The following PDE10A variants were observed in gnomAD, a reference collection of about 807,000 sequenced individuals.
PDE10A encodes the protein cAMP and cAMP-inhibited cGMP 3',5'-cyclic phosphodiesterase 10A.
A neutral mutation model predicts 97.7 loss-of-function variants in PDE10A; 39 were observed. That is an observed-to-expected ratio of 0.40 (90% CI 0.31 to 0.52). The LOEUF is 0.52. PDE10A is among the 20% of genes least tolerant of loss of function. The pLI is 0.56. For missense variants in PDE10A, 731 were observed against 1,047.8 expected, an observed-to-expected ratio of 0.70 and a Z score of 4.17; for synonymous variants, 371 against 376.8, an observed-to-expected ratio of 0.98 and a Z score of 0.18.
chr6:165,954,417 T>G (rs1285856708), intron 1 of PDE10A, among the ~76,000 whole-genome samples: 1 of 152,154 alleles, frequency 6.6e-6, no homozygotes, highest in Middle Eastern at 3.2e-3. Flanking sequence ...CATGGACACT[T>G]GGTTTGGTTC....
chr6:165,405,456 A>G (rs1340494551), intron 13 of PDE10A, among the ~76,000 whole-genome samples: 1 of 152,258 alleles, frequency 6.6e-6, no homozygotes, highest in Non-Finnish European at 1.5e-5. Flanking sequence ...ATAAAATATA[A>G]TGACTAATGT....
intron 3 of PDE10A, among the ~76,000 whole-genome samples, chr6:165,479,181 C>T (rs1779461365): frequency 6.6e-6 from 1 of 152,122 alleles, no homozygotes; most frequent in African/African-American, 2.4e-5. Context: ...GCTCTTTCTT[C>T]TTCTACACCC....
At chr6:165,595,338 T>C (rs1179245552) in intron 1 of PDE10A, among the ~76,000 whole-genome samples, 1 of 152,208 alleles carries the variant, frequency 6.6e-6, no homozygotes, top group East Asian at 1.9e-4. Flanking sequence ...TTTGGCTATA[T>C]TATAGAGTTA....
chr6:165,887,464 C>T (rs950736868), intron 1 of PDE10A, among the ~76,000 whole-genome samples: 3 of 152,198 alleles, frequency 2.0e-5, no homozygotes, highest in African/African-American at 7.2e-5. Context: ...TGACAAGTTT[C>T]CATCATTAAC....
intron 1 of PDE10A, among the ~76,000 whole-genome samples, chr6:165,912,186 A>G (rs1021611571): frequency 2.6e-5 from 4 of 151,910 alleles, no homozygotes; most frequent in African/African-American, 9.7e-5. Flanking sequence ...CTATCTGTCT[A>G]TCATCTATCA....
intron 18 of PDE10A, among the ~76,000 whole-genome samples, chr6:165,351,632 G>A (rs574792366): frequency 1.3e-5 from 2 of 152,246 alleles, no homozygotes; most frequent in East Asian, 1.9e-4. Flanking sequence ...CAAAAGCCCA[G>A]AATGTGACTC....
chr6:165,371,562 G>T (rs1784249932), intron 18 of PDE10A, among the ~76,000 whole-genome samples: 1 of 152,090 alleles, frequency 6.6e-6, no homozygotes, highest in African/African-American at 2.4e-5. Context: ...CCAATAACAG[G>T]AGCTGAAATT....
At chr6:165,973,537 G>A (rs9459547) in intron 1 of PDE10A, among the ~76,000 whole-genome samples, 4,354 of 151,618 alleles carry the variant, frequency 0.029, 193 homozygotes, top group African/African-American at 0.094. Flanking sequence ...ACTAAGGAAT[G>A]TATTACATTA....
chr6:165,411,199 A>G (rs1787796064), intron 13 of PDE10A, among the ~76,000 whole-genome samples: 1 of 151,528 alleles, frequency 6.6e-6, no homozygotes, highest in Non-Finnish European at 1.5e-5. Context: ...AGATGAAAGG[A>G]GACTCAAGAG....
At chr6:165,472,062 A>T (rs1779045180) in intron 3 of PDE10A, among the ~76,000 whole-genome samples, 1 of 152,100 alleles carries the variant, frequency 6.6e-6, no homozygotes, top group Admixed American at 6.6e-5. Context: ...CACTTCATAT[A>T]ATGTAGAAAT....
intron 1 of PDE10A, among the ~76,000 whole-genome samples, chr6:165,734,905 G>A (rs970298793): frequency 2.0e-5 from 3 of 152,030 alleles, no homozygotes; most frequent in Non-Finnish European, 2.9e-5. Context: ...GTGTTCATTC[G>A]GATTCTGTAT....
At chr6:165,366,166 T>C (rs1211113824) in intron 18 of PDE10A, among the ~76,000 whole-genome samples, 1 of 152,150 alleles carries the variant, frequency 6.6e-6, no homozygotes, top group African/African-American at 2.4e-5. Flanking sequence ...AAATACTACC[T>C]TAAAAATTAA....
chr6:165,780,134 G>A (rs1465014802), intron 1 of PDE10A: 1 of 152,126 alleles, frequency 6.6e-6, no homozygotes, highest in Non-Finnish European at 1.5e-5. Flanking sequence ...AATACCTTGA[G>A]TTCTTCTAAG....
At chr6:165,349,245 G>A (rs1209072602) in intron 18 of PDE10A, among the ~76,000 whole-genome samples, 2 of 152,162 alleles carry the variant, frequency 1.3e-5, no homozygotes, top group Non-Finnish European at 2.9e-5. Flanking sequence ...AAACTTCCTG[G>A]AGACTTGTTG....
intron 1 of PDE10A, among the ~76,000 whole-genome samples, chr6:165,586,297 A>G (rs912542397): frequency 3.3e-5 from 5 of 152,192 alleles, no homozygotes; most frequent in African/African-American, 1.2e-4. Context: ...ATCAAATAAT[A>G]TTATAGAGAA....
chr6:165,373,532 T>C (rs1784405781), intron 18 of PDE10A, among the ~76,000 whole-genome samples: 1 of 152,124 alleles, frequency 6.6e-6, no homozygotes, highest in Admixed American at 6.6e-5. Flanking sequence ...CACAATGAGA[T>C]ACCATCTCAC....
rs2128168752 is a variant in PDE10A at position 165,327,302 on chromosome 6, C to T, written c.*5723G>A. 6.6e-6 allele frequency: 1 copy of T among 152,272 alleles called. No homozygotes were observed. The highest frequency in any genetic ancestry group is 6.5e-5 in the Admixed American group (1 of 15,296). 9.4% of individuals were successfully genotyped at this position (152,272 alleles called of 1,614,324 possible). On this transcript the variant is annotated 3_prime_UTR_variant, in exon 22 of 22. Transcript: ENST00000539869. ...ATACGTGAAAGATATTTTAAAAACTCTGTATTCAATTATTCACACCAAAGG... is the reference window on the plus strand; with the variant it reads ...ATACGTGAAAGATATTTTAAAAACTTTGTATTCAATTATTCACACCAAAGG...
intron 2 of PDE10A, among the ~76,000 whole-genome samples, chr6:165,538,073 T>C (rs943684554): frequency 6.6e-6 from 1 of 152,052 alleles, no homozygotes; most frequent in Non-Finnish European, 1.5e-5. Context: ...TATTAAACCA[T>C]ACAAATGCAA....
chr6:165,779,451 T>C (rs1449229747), intron 1 of PDE10A, among the ~76,000 whole-genome samples: 9 of 152,174 alleles, frequency 5.9e-5, no homozygotes, highest in Admixed American at 5.2e-4. Context: ...AGCGGCTCCC[T>C]ATTAGATCTA....
Sources: gnomAD v4.1 joint callset for allele counts (sites outside exome capture counted in the v4.1 genomes callset) on GRCh38, gnomAD v4.1.1 for gene constraint, MANE v1.5 for transcripts, NCBI Gene and HGNC (gene_info 2026-07-23, HGNC 2026-07-21) for gene names.